OSER1: variants seen among roughly 807,000 people sequenced by gnomAD.
OSER1 encodes the protein oxidative stress responsive serine rich 1.
A neutral mutation model predicts 26.3 loss-of-function variants in OSER1; 15 were observed. The ratio of observed to expected loss-of-function variants is 0.57; its 90% CI spans 0.38 to 0.88. OSER1 has a LOEUF of 0.88. Ranked by LOEUF, OSER1 falls within the 40% of genes least tolerant of loss-of-function variation. OSER1 has a pLI of 0.00. For missense variants in OSER1, 313 were observed against 353.9 expected, an observed-to-expected ratio of 0.88 and a Z score of 0.93; for synonymous variants, 127 against 128.2, an observed-to-expected ratio of 0.99 and a Z score of 0.07.
At chr20:44,208,497 G>A (rs1015818243) in intron 1 of OSER1, among the ~76,000 whole-genome samples, 10 of 149,954 alleles carry the variant, frequency 6.7e-5, no homozygotes, top group Non-Finnish European at 1.2e-4. Flanking sequence ...ATACATTCTC[G>A]ACGTATATTT....
chr20:44,197,126 G>A lies in OSER1; in HGVS notation c.805C>T (p.Leu269=), dbSNP rs1172872453. ...AAGTAATACTCCATGTAGCCTGACA[G>A]GTCCTCAATGGTCACATCATCCACG... The part of the protein sequence containing the change: ...VFVDDVTIED[L]SGYMEYYLYI... The change falls in exon 4 of 4, where the codon CTG becomes TTG. Residue 269 remains leucine (L), a synonymous_variant. Coordinates refer to ENST00000255174, the MANE Select transcript of OSER1 (RefSeq NM_016470.8). 6.2e-7 allele frequency: 1 copy of A among 1,613,882 alleles called. No homozygotes were observed. Among genetic ancestry groups the A allele is most frequent in the Non-Finnish European group, 8.5e-7 (1 of 1,179,742 alleles).
At chr20:44,200,370 TG>T (rs571877511) in intron 3 of OSER1, among the ~76,000 whole-genome samples, 3 of 152,320 alleles carry the variant, frequency 2.0e-5, no homozygotes, top group African/African-American at 7.2e-5. Context: ...TCTCAGCAAC[TG>T]AAGACAGAAT....
chr20:44,197,251 G>A lies in OSER1; in HGVS notation c.680C>T (p.Ala227Val), dbSNP rs1337895901. 6.2e-7 allele frequency: 1 copy of A among 1,613,530 alleles called. No individual in the cohort carries two copies. Among genetic ancestry groups the A allele is most frequent in the Non-Finnish European group, 8.5e-7 (1 of 1,179,768 alleles). Reference protein sequence around the residue: ...FSGLQSVPPLAPERRSTLEDY... With the variant: ...FSGLQSVPPLVPERRSTLEDY... ...CTCAAGTGTGGATCTTCGTTCTGGA[G>A]CCAAGGGAGGGACACTCTGCAGGCC... The change falls in exon 4 of 4, where the codon GCT becomes GTT. Residue 227 changes from alanine (A) to valine (V), a missense_variant. Coordinates refer to ENST00000255174, the MANE Select transcript of OSER1 (RefSeq NM_016470.8).
At chr20:44,199,412 C>CGTAT (rs1161820960) in intron 3 of OSER1, among the ~76,000 whole-genome samples, 1 of 152,174 alleles carries the variant, frequency 6.6e-6, no homozygotes. Flanking sequence ...AGCAATGATA[C>CGTAT]ACTCACTAGA....
intron 1 of OSER1, among the ~76,000 whole-genome samples, chr20:44,208,494 C>A (rs1356712234): frequency 2.6e-5 from 4 of 151,028 alleles, no homozygotes; most frequent in African/African-American, 9.8e-5. Flanking sequence ...TAGATACATT[C>A]TCGACGTATA....
chr20:44,204,412 A>G (rs2073018647), intron 2 of OSER1, among the ~76,000 whole-genome samples: 1 of 152,178 alleles, frequency 6.6e-6, no homozygotes. Flanking sequence ...CCCTTCTCTT[A>G]TTTCATTTTC....
intron 2 of OSER1, 131 bp from the exon 3 acceptor site, chr20:44,203,205 A>T: frequency 1.8e-6 from 1 of 545,826 alleles, no homozygotes. Context: ...AAAATTGCTC[A>T]GCTTTTAATG....
intron 1 of OSER1, chr20:44,209,890 C>G (rs1015415731): frequency 6.6e-6 from 1 of 152,074 alleles, no homozygotes; most frequent in African/African-American, 2.4e-5. Context: ...TTAAAGATTT[C>G]GAAACTCCCA....
chr20:44,209,988 C>G (rs2073081798), intron 1 of OSER1: 1 of 152,322 alleles, frequency 6.6e-6, no homozygotes, highest in African/African-American at 2.4e-5. Flanking sequence ...CAATCGGCCC[C>G]CAGGACAAAA....
At position 44,196,865 on chromosome 20, in the gene OSER1, T is replaced by C. The variant is rs1044864074; in HGVS notation, c.*187A>G. On this transcript the variant is annotated 3_prime_UTR_variant, in exon 4 of 4. Coordinates refer to ENST00000255174, the MANE Select transcript of OSER1 (RefSeq NM_016470.8). ...TTTGATCTGCTCGCCTTGAAGTGTATGTAAGAACTCAAGAGAGTAAGTTGA... is the reference window on the plus strand; with the variant it reads ...TTTGATCTGCTCGCCTTGAAGTGTACGTAAGAACTCAAGAGAGTAAGTTGA... 7 of 566,090 alleles carry C rather than the reference T, an allele frequency of 1.2e-5. No homozygotes were observed. The highest frequency in any genetic ancestry group is 2.3e-5 in the South Asian group (1 of 44,252). 35.1% of individuals were successfully genotyped at this position (566,090 alleles called of 1,614,324 possible).
intron 3 of OSER1, among the ~76,000 whole-genome samples, chr20:44,198,169 T>C (rs1396837913): frequency 3.3e-5 from 5 of 152,180 alleles, no homozygotes. Context: ...ACGTTACAAA[T>C]GACCATTATG....
At chr20:44,202,077 C>T (rs1026406584) in intron 3 of OSER1, among the ~76,000 whole-genome samples, 32 of 152,262 alleles carry the variant, frequency 2.1e-4, no homozygotes, top group African/African-American at 6.7e-4. Context: ...GAACACAGAA[C>T]GCTTGAAAGA....
chr20:44,203,779 C>T (rs1312639187), intron 2 of OSER1, among the ~76,000 whole-genome samples: 2 of 150,206 alleles, frequency 1.3e-5, no homozygotes, highest in South Asian at 2.1e-4. Context: ...CTTTAGAAAG[C>T]GACATTAATC....
chr20:44,199,099 T>C (rs2072953969), intron 3 of OSER1, among the ~76,000 whole-genome samples: 1 of 152,230 alleles, frequency 6.6e-6, no homozygotes, highest in Admixed American at 6.5e-5. Flanking sequence ...GTAGTGATGC[T>C]AGCAGTTTGG....
In OSER1 at chr20:44,207,000, T is replaced by G; in HGVS notation, c.-41-2A>C. The G allele has an allele frequency of 6.9e-7, 1 of 1,452,024 alleles. No homozygotes were observed. The highest frequency in any genetic ancestry group is 9.6e-7 in the Non-Finnish European group (1 of 1,039,164). The allele number at this position is 1,452,024 out of a possible 1,614,324, so 89.9% of individuals were successfully genotyped here. A position where few individuals can be genotyped will look rare whatever the true frequency, so the allele number is the denominator to read the frequency against. ...TACTTATCGATGTTCCTGTTTACAC[T>G]AAAAAAGAAAATAAAGTGAGCAAAG... On this transcript the variant is annotated splice_acceptor_variant, in intron 1 of 3. Coordinates refer to ENST00000255174, the MANE Select transcript of OSER1 (RefSeq NM_016470.8). LOFTEE classifies it low-confidence loss of function (5UTR_SPLICE).
chr20:44,205,157 T>C lies in OSER1; in HGVS notation c.77+1724A>G, dbSNP rs191535142. Among the ~76,000 whole-genome samples the C allele has an allele frequency of 9.2e-5, 14 of 152,360 alleles. No homozygotes were observed. In the East Asian group the frequency reaches 2.7e-3, roughly 29 times the overall value. ...GCCTGGCTTTATTTTACATTTCAAC[T>C]TCTTAAAACATCAGGAAAGAAGTCC... On this transcript the variant is annotated intron_variant, in intron 2 of 3. Coordinates refer to ENST00000255174, the MANE Select transcript of OSER1 (RefSeq NM_016470.8).
intron 1 of OSER1, chr20:44,210,053 G>C (rs935194570): frequency 6.6e-6 from 1 of 152,298 alleles, no homozygotes; most frequent in Non-Finnish European, 1.5e-5. Flanking sequence ...TCGCAGCGCT[G>C]CAGCCAAAGC....
chr20:44,203,064 A>G lies in OSER1; in HGVS notation c.88T>C (p.Ser30Pro). ...LRVDASGSVA[S>P]LSVGEGTGVR... ...CCTGTGCCTTCTCCAACAGACAGAG[A>G]TGCTACAGACCTGAAGACAAGAACA... Residue 30 changes from serine to proline, a missense_variant, in exon 3 of 4, where the codon TCT becomes CCT. Physicochemically the swap from Ser to Pro is moderately conservative, Grantham distance 74. This residue lies in a region of OSER1 where 300 missense variants were observed against 318.3 expected (regional missense o/e 0.94). Transcript: ENST00000255174. 6.3e-7 allele frequency: 1 copy of G among 1,595,676 alleles called. No individual in the cohort carries two copies. Among genetic ancestry groups the G allele is most frequent in the Non-Finnish European group, 8.6e-7 (1 of 1,163,376 alleles).
rs143497313 is a variant in OSER1 at position 44,202,100 on chromosome 20, G to T, written c.191+861C>A. Among the ~76,000 whole-genome samples the T allele has an allele frequency of 2.3e-4, 35 of 152,322 alleles. No homozygotes were observed. The East Asian group carries it at 6.2e-3, about 27-fold the overall frequency. On this transcript the variant is annotated intron_variant, in intron 3 of 3. Coordinates refer to ENST00000255174, the MANE Select transcript of OSER1 (RefSeq NM_016470.8). ...AACGCTTGAAAGACTAGTAGGCTGG[G>T]TGTGGTGGCTCACACCTGTAATCCT...
Sources: gnomAD v4.1 joint callset for allele counts (sites outside exome capture counted in the v4.1 genomes callset) on GRCh38, gnomAD v4.1.1 for gene constraint, gnomAD v4.1.1 regional missense constraint, MANE v1.5 for transcripts, NCBI Gene and HGNC (gene_info 2026-07-23, HGNC 2026-07-21) for gene names.